Variants in ZNF274 observed in about 807,000 individuals in gnomAD.
The protein encoded by ZNF274 is zinc finger protein 274.
ZNF274 carries 23 observed loss-of-function variants against 42.5 expected under a neutral mutation model. The observed-to-expected ratio is 0.54, with a 90% CI of 0.39 to 0.77. The LOEUF is 0.77. ZNF274 is among the 30% of genes least tolerant of loss of function. The pLI, the probability that ZNF274 is intolerant of heterozygous loss-of-function variation, is 0.00. For missense variants in ZNF274, 679 were observed against 806.5 expected, an observed-to-expected ratio of 0.84 and a Z score of 1.91; for synonymous variants, 292 against 305.4, an observed-to-expected ratio of 0.96 and a Z score of 0.46.
In ZNF274 at chr19:58,211,069, T is replaced by TCCTG. The variant is rs2146252583; in HGVS notation, c.853-490_853-487dup. 1 of 152,864 alleles carries TCCTG rather than the reference T, an allele frequency of 6.5e-6. No individual in the cohort carries two copies. Among genetic ancestry groups the TCCTG allele is most frequent in the Non-Finnish European group, 1.5e-5 (1 of 68,498 alleles). 9.5% of individuals were successfully genotyped at this position (152,864 alleles called of 1,614,324 possible). On this transcript the variant is annotated intron_variant, in intron 6 of 7. Coordinates refer to ENST00000617501, the MANE Select transcript of ZNF274 (RefSeq NM_133502.3). This position sits in a 1 kb window ranked among gnomAD's most constrained non-coding sequence, Gnocchi z 4.8. Reference sequence around the variant, plus strand: ...CCCCATGTAAGCAAAATGCCTCAGATCCTGGCAAAGCAGCGTTGGGGGTAC... The same window carrying TCCTG: ...CCCCATGTAAGCAAAATGCCTCAGATCCTGCCTGGCAAAGCAGCGTTGGGGGTAC...
intron 6 of ZNF274, 199 bp downstream of exon 6, chr19:58,210,272 GGAGACAAC>G: frequency 2.0e-6 from 1 of 498,548 alleles, no homozygotes; most frequent in Non-Finnish European, 3.6e-6. Flanking sequence ...TGGCATCACT[GGAGACAAC>G]GCATGGTGAC....
chr19:58,189,824 T>G (rs1350312282), intron 4 of ZNF274, among the ~76,000 whole-genome samples: 1 of 152,048 alleles, frequency 6.6e-6, no homozygotes, highest in Non-Finnish European at 1.5e-5. Context: ...GCTCTTAAAT[T>G]CTTTGATCTT....
chr19:58,190,168 T>G (rs2075763401), intron 4 of ZNF274, among the ~76,000 whole-genome samples: 1 of 142,390 alleles, frequency 7.0e-6, no homozygotes, highest in African/African-American at 2.5e-5. Flanking sequence ...TTTTTTTTTT[T>G]GAGATGGAGT....
chr19:58,212,290 C>A lies in ZNF274; in HGVS notation c.1109C>A (p.Thr370Asn). The A allele has an allele frequency of 6.2e-7, 1 of 1,613,984 alleles. No individual in the cohort carries two copies. Among genetic ancestry groups the A allele is most frequent in the Non-Finnish European group, 8.5e-7 (1 of 1,179,896 alleles). ...DCALSSTLED[T>N]LQGGVQEVQD... ...GCCTTGTCCTCTACATTAGAAGATACCTTGCAGGGTGGGGTCCAGGAAGTC... is the reference window on the plus strand; with the variant it reads ...GCCTTGTCCTCTACATTAGAAGATAACTTGCAGGGTGGGGTCCAGGAAGTC... Residue 370 changes from threonine (T) to asparagine (N), a missense_variant, in exon 8 of 8, where the codon ACC becomes AAC. Transcript: ENST00000617501. This position sits in a 1 kb window ranked among gnomAD's most constrained non-coding sequence, Gnocchi z 4.6.
At chr19:58,205,573 G>A (rs114163450) in intron 4 of ZNF274, among the ~76,000 whole-genome samples, 2,699 of 152,256 alleles carry the variant, frequency 0.018, 46 homozygotes, top group African/African-American at 0.054. Flanking sequence ...GGCGTGAAGC[G>A]AATCTCCTGC....
chr19:58,212,161 G>T lies in ZNF274; in HGVS notation c.980G>T (p.Gly327Val). The change falls in exon 8 of 8, where the codon GGG becomes GTG. Residue 327 changes from glycine to valine, a missense_variant and splice_region_variant. By Grantham distance (109) the Gly-to-Val change is moderately radical. Transcript: ENST00000617501. The surrounding 1 kb of genome is among the most constrained non-coding windows in gnomAD (Gnocchi z 4.6). ...CACATCTTTTGTTTATTTTTTTCAG[G>T]GTGGGAGACTACACTGGAAAATAAA... is the stretch of plus-strand genomic sequence containing the variant. Reference protein sequence around the residue: ...LETFGHLVSVGWETTLENKEL... With the variant: ...LETFGHLVSVVWETTLENKEL... 6.3e-7 allele frequency: 1 copy of T among 1,595,320 alleles called. No individual in the cohort carries two copies. The highest frequency in any genetic ancestry group is 8.5e-7 in the Non-Finnish European group (1 of 1,175,556).
At chr19:58,204,885 G>A (rs1363632186) in intron 4 of ZNF274, among the ~76,000 whole-genome samples, 2 of 152,188 alleles carry the variant, frequency 1.3e-5, no homozygotes, top group East Asian at 3.9e-4. Flanking sequence ...GGTCCCTTGT[G>A]TTCTGTAGAG....
chr19:58,192,727 T>C (rs2075792352), intron 4 of ZNF274, among the ~76,000 whole-genome samples: 1 of 152,192 alleles, frequency 6.6e-6, no homozygotes, highest in Admixed American at 6.5e-5. Flanking sequence ...ACATGTTCAG[T>C]ACATTTGCAG....
chr19:58,199,239 G>A (rs1030606804), intron 4 of ZNF274, among the ~76,000 whole-genome samples: 12 of 151,740 alleles, frequency 7.9e-5, no homozygotes, highest in Middle Eastern at 6.8e-3. Context: ...GGTGGTGGGC[G>A]CCTGTAATCC....
chr19:58,193,822 A>T (rs951884622), intron 4 of ZNF274, among the ~76,000 whole-genome samples: 2 of 151,958 alleles, frequency 1.3e-5, no homozygotes, highest in African/African-American at 4.8e-5. Flanking sequence ...GCTACTTGGG[A>T]GGCTGAGGCA....
At chr19:58,194,800 C>G (rs532412847) in intron 4 of ZNF274, among the ~76,000 whole-genome samples, 2 of 151,886 alleles carry the variant, frequency 1.3e-5, no homozygotes, top group Non-Finnish European at 2.9e-5. Context: ...CTGAGAAGTT[C>G]GAGACCATCC....
intron 2 of ZNF274, chr19:58,185,445 A>AT (rs2075686447): frequency 6.3e-6 from 1 of 158,238 alleles, no homozygotes; most frequent in South Asian, 2.1e-4. Context: ...AATAAATTAA[A>AT]TAAATAAATA....
intron 4 of ZNF274, among the ~76,000 whole-genome samples, chr19:58,188,092 T>A (rs570680991): frequency 1.3e-5 from 2 of 152,324 alleles, no homozygotes; most frequent in South Asian, 4.1e-4. Context: ...GGACATTAAA[T>A]TTACTGCAGA....
intron 4 of ZNF274, among the ~76,000 whole-genome samples, chr19:58,196,995 G>C (rs1164143210): frequency 6.6e-6 from 1 of 152,202 alleles, no homozygotes; most frequent in African/African-American, 2.4e-5. Context: ...CTTATCTTGA[G>C]AGGATTCATA....
At chr19:58,209,414 G>A (rs1325854674) in intron 5 of ZNF274, 1 of 152,542 alleles carries the variant, frequency 6.6e-6, no homozygotes, top group Non-Finnish European at 1.5e-5. Context: ...GAATGAAGGA[G>A]CCGTGGTTAC....
intron 4 of ZNF274, among the ~76,000 whole-genome samples, chr19:58,201,820 C>A (rs2075915638): frequency 2.0e-5 from 3 of 152,080 alleles, no homozygotes; most frequent in South Asian, 2.1e-4. Context: ...AGGCATATTT[C>A]TTTTGTGTAT....
chr19:58,199,502 C>A (rs1301692398), intron 4 of ZNF274, among the ~76,000 whole-genome samples: 1 of 152,178 alleles, frequency 6.6e-6, no homozygotes, highest in Non-Finnish European at 1.5e-5. Flanking sequence ...GAATGGATCA[C>A]TTGAGGCCAG....
At chr19:58,185,405 G>C (rs191932678) in intron 2 of ZNF274, 2 of 152,432 alleles carry the variant, frequency 1.3e-5, no homozygotes, top group East Asian at 1.9e-4. Flanking sequence ...CTAGGAGACA[G>C]AGTGAGACTC....
In ZNF274 at chr19:58,212,065, A is replaced by T. The variant is rs78932754; in HGVS notation, c.980-96A>T. Reference sequence around the variant, plus strand: ...TGACTCTATTTGGGAGAAAAAAAAAATCCTGACTTTTGAACTTAATTATGC... The same window carrying T: ...TGACTCTATTTGGGAGAAAAAAAAATTCCTGACTTTTGAACTTAATTATGC... On this transcript the variant is annotated intron_variant, in intron 7 of 7. Transcript: ENST00000617501. The surrounding 1 kb of genome is among the most constrained non-coding windows in gnomAD (Gnocchi z 4.6). The T allele has an allele frequency of 2.1e-6, 3 of 1,444,336 alleles. No homozygotes were observed. Among genetic ancestry groups the T allele is most frequent in the South Asian group, 1.4e-5 (1 of 71,790 alleles). The allele number at this position is 1,444,336 out of a possible 1,614,324, so 89.5% of individuals were successfully genotyped here. A position where few individuals can be genotyped will look rare whatever the true frequency, so the allele number is the denominator to read the frequency against.
Sources: allele counts gnomAD v4.1 joint callset (sites outside exome capture counted in the v4.1 genomes callset), GRCh38; gene constraint gnomAD v4.1.1; non-coding constraint Gnocchi (gnomAD v3.1); transcripts MANE v1.5; gene names NCBI Gene and HGNC (gene_info 2026-07-23, HGNC 2026-07-21).